Variants in NUP155 observed in about 807,000 individuals in gnomAD.
The protein encoded by NUP155 is nucleoporin 155, also known as nuclear pore complex protein Nup155.
Under a neutral mutation model 180.4 loss-of-function variants are expected in NUP155, and 71 were observed. The observed-to-expected ratio is 0.39, with a 90% CI of 0.33 to 0.48. The LOEUF (loss-of-function observed/expected upper bound fraction) is 0.48. Among genes scored for constraint, NUP155 ranks in the 20% least tolerant of loss-of-function variants. The pLI, the probability that NUP155 is intolerant of heterozygous loss-of-function variation, is 0.91. For missense variants in NUP155, 1,553 were observed against 1,648.9 expected, an observed-to-expected ratio of 0.94 and a Z score of 1.01; for synonymous variants, 582 against 559.5, an observed-to-expected ratio of 1.04 and a Z score of -0.57.
At chr5:37,305,325 G>C (rs1743093329) in intron 25 of NUP155, 115 bp from the exon 26 acceptor site, 1 of 870,154 alleles carries the variant, frequency 1.1e-6, no homozygotes, top group Non-Finnish European at 1.9e-6. Flanking sequence ...TAGGAGGACG[G>C]CTTGAGGCTG....
At chr5:37,327,544 A>T (rs1744681202) in intron 18 of NUP155, 85 bp downstream of exon 18, 2 of 1,460,920 alleles carry the variant, frequency 1.4e-6, no homozygotes, top group South Asian at 2.3e-5. Flanking sequence ...GGAATAAATG[A>T]TGTCCCAAAT....
intron 4 of NUP155, among the ~76,000 whole-genome samples, chr5:37,354,932 A>C (rs1018100318): frequency 6.6e-6 from 1 of 151,868 alleles, no homozygotes; most frequent in Middle Eastern, 3.2e-3. Flanking sequence ...TCTCTACTAA[A>C]AATACAAAAA....
At position 37,350,370 on chromosome 5, in the gene NUP155, C is replaced by T. The variant is rs374894086; in HGVS notation, c.724-105G>A. 51 of 737,902 alleles carry T rather than the reference C, an allele frequency of 6.9e-5. No homozygotes were observed. The East Asian group carries it at 1.2e-3, about 17-fold the overall frequency. 45.7% of individuals were successfully genotyped at this position (737,902 alleles called of 1,614,324 possible). ...AAACCTTCAAATCTTCATGAAATAC[C>T]AGTTATAATCACTAATACCAGTTAT... is the stretch of plus-strand genomic sequence containing the variant. On this transcript the variant is annotated intron_variant, in intron 6 of 34. Coordinates refer to ENST00000231498, the MANE Select transcript of NUP155 (RefSeq NM_153485.3).
chr5:37,368,209 CTTTTTTTTTTTTTTT>C (rs58198308), intron 1 of NUP155, among the ~76,000 whole-genome samples: 1 of 52,828 alleles, frequency 1.9e-5, no homozygotes, highest in East Asian at 7.1e-4. Flanking sequence ...AGCGCCAGGC[CTTTTTTTTTTTTTTT>C]TTTTTTTTTT....
chr5:37,326,941 A>G (rs1744636168), intron 18 of NUP155, among the ~76,000 whole-genome samples: 1 of 152,204 alleles, frequency 6.6e-6, no homozygotes, highest in Non-Finnish European at 1.5e-5. Context: ...ACCCCAGCAC[A>G]TCAAAACCAA....
intron 13 of NUP155, among the ~76,000 whole-genome samples, chr5:37,332,189 C>CTAGAAACA (rs1431239051): frequency 7.8e-6 from 1 of 128,300 alleles, no homozygotes; most frequent in Non-Finnish European, 1.6e-5. Flanking sequence ...AAAAAAAAAG[C>CTAGAAACA]TAGAAACATA....
intron 12 of NUP155, among the ~76,000 whole-genome samples, chr5:37,337,102 C>T (rs2150972437): frequency 6.6e-6 from 1 of 152,168 alleles, no homozygotes; most frequent in Middle Eastern, 3.4e-3. Context: ...AGGTAGCCTC[C>T]CCTCACCTCC....
At chr5:37,348,213 A>G (rs200668496) in intron 9 of NUP155, among the ~76,000 whole-genome samples, 1 of 152,114 alleles carries the variant, frequency 6.6e-6, no homozygotes, top group Non-Finnish European at 1.5e-5. Flanking sequence ...CTGTGGCAGG[A>G]GAATCAGTTG....
Position 37,324,099 on chromosome 5 carries a change from A to G in NUP155, c.2100T>C (p.Ser700=), listed in dbSNP as rs752998856. ...SGNREITAIE[S]SVPCQLLESV... is the part of the protein sequence containing the mutation. Reference sequence around the variant, plus strand: ...ACTCTAGCAGTTGGCAGGGAACACTACTTTCAATCTGTAAAAATGAAAGAT... The same window carrying G: ...ACTCTAGCAGTTGGCAGGGAACACTGCTTTCAATCTGTAAAAATGAAAGAT... Residue 700 remains serine, a synonymous_variant, in exon 20 of 35, where the codon AGT becomes AGC. Transcript: ENST00000231498. 1.5e-5 allele frequency: 24 copies of G among 1,606,988 alleles called. No individual in the cohort carries two copies. The highest frequency in any genetic ancestry group is 2.0e-5 in the Non-Finnish European group (23 of 1,173,650).
intron 4 of NUP155, among the ~76,000 whole-genome samples, chr5:37,357,010 G>A (rs1260250855): frequency 2.6e-5 from 4 of 152,188 alleles, no homozygotes; most frequent in Non-Finnish European, 5.9e-5. Context: ...GGAAGGCTGA[G>A]GCAAGAGAAT....
chr5:37,341,010 T>C, intron 11 of NUP155, 80 bp downstream of exon 11: 1 of 1,229,742 alleles, frequency 8.1e-7, no homozygotes, highest in South Asian at 1.3e-5. Context: ...CATAGGGTAT[T>C]TTCAAATACT....
At chr5:37,322,322 CG>C (rs1744296960) in intron 20 of NUP155, among the ~76,000 whole-genome samples, 2 of 152,126 alleles carry the variant, frequency 1.3e-5, no homozygotes, top group African/African-American at 4.8e-5. Flanking sequence ...TGTAATACCT[CG>C]TTAACAATTC....
intron 25 of NUP155, among the ~76,000 whole-genome samples, chr5:37,306,353 A>G (rs1743153998): frequency 6.6e-6 from 1 of 152,198 alleles, no homozygotes; most frequent in South Asian, 2.1e-4. Context: ...GAGTACAGTG[A>G]GCTATGATGG....
At position 37,299,850 on chromosome 5, in the gene NUP155, T is replaced by C. The variant is rs565069586; in HGVS notation, c.3562-282A>G. 3.3e-5 allele frequency among the ~76,000 whole-genome samples: 5 copies of C among 149,454 alleles called. No homozygotes were observed. The South Asian group carries it at 1.1e-3, about 32-fold the overall frequency. Reference sequence around the variant, plus strand: ...GAGATGGAGACCATCCTGGCCAATATGGTGAAACCCCGTCTCTACTAAAAT... The same window carrying C: ...GAGATGGAGACCATCCTGGCCAATACGGTGAAACCCCGTCTCTACTAAAAT... On this transcript the variant is annotated intron_variant, in intron 30 of 34. Coordinates refer to ENST00000231498, the MANE Select transcript of NUP155 (RefSeq NM_153485.3).
intron 3 of NUP155, among the ~76,000 whole-genome samples, chr5:37,360,524 G>A (rs933772759): frequency 2.0e-5 from 3 of 151,446 alleles, no homozygotes; most frequent in Non-Finnish European, 4.4e-5. Context: ...GGTGGCTTAC[G>A]CTTGTAATCC....
At chr5:37,350,933 T>C (rs919906094) in intron 6 of NUP155, among the ~76,000 whole-genome samples, 3 of 150,742 alleles carry the variant, frequency 2.0e-5, no homozygotes, top group African/African-American at 7.3e-5. Flanking sequence ...CACAAACACA[T>C]ATGCATAGAT....
chr5:37,311,341 A>T (rs1743510009), intron 22 of NUP155, among the ~76,000 whole-genome samples: 1 of 152,178 alleles, frequency 6.6e-6, no homozygotes, highest in Non-Finnish European at 1.5e-5. Flanking sequence ...TAAGGAAGAG[A>T]GCTTTGAAGA....
chr5:37,333,436 C>T (rs768393373), intron 13 of NUP155, 27 bp downstream of exon 13: 1 of 1,600,570 alleles, frequency 6.2e-7, no homozygotes, highest in South Asian at 1.1e-5. Context: ...TTATTTTTGT[C>T]ACTACCATAA....
intron 20 of NUP155, among the ~76,000 whole-genome samples, chr5:37,322,155 A>G (rs1744286764): frequency 6.6e-6 from 1 of 151,950 alleles, no homozygotes; most frequent in African/African-American, 2.4e-5. Flanking sequence ...CGCCCGGCCT[A>G]TTTATGTGTT....
Sources: gnomAD v4.1 joint callset for allele counts (sites outside exome capture counted in the v4.1 genomes callset) on GRCh38, gnomAD v4.1.1 for gene constraint, MANE v1.5 for transcripts, NCBI Gene and HGNC (gene_info 2026-07-23, HGNC 2026-07-21) for gene names.